The following STK11 variants were observed in gnomAD, a reference collection of about 807,000 sequenced individuals.
STK11 encodes serine/threonine-protein kinase STK11.
In STK11, 8 loss-of-function variants were observed where a neutral mutation model predicts 47.3. The ratio of observed to expected loss-of-function variants is 0.17; its 90% CI spans 0.10 to 0.31. STK11 has a LOEUF of 0.31. Among genes scored for constraint, STK11 ranks in the 10% least tolerant of loss-of-function variants. STK11 has a pLI of 1.00. For missense variants in STK11, 475 were observed against 605.0 expected (o/e 0.79, Z 2.25); for synonymous variants, 330 against 255.8 (o/e 1.29, Z -2.77).
rs975777594 is a variant in STK11, at chr19:1,219,303, T to C, written c.375-21T>C. ...CTGTGAGTGGGGCCGCCCCCTGAGC[T>C]GTGTGTCCTTAGCGCCCCACGTATA... On this transcript the variant is annotated intron_variant, in intron 2 of 9. Coordinates refer to ENST00000326873, the MANE Select transcript of STK11 (RefSeq NM_000455.5). 8 of 1,566,764 alleles carry C rather than the reference T, an allele frequency of 5.1e-6. No homozygotes were observed. In the Admixed American group the frequency reaches 1.5e-4, roughly 30 times the overall value.
intron 3 of STK11, 180 bp from the exon 4 acceptor site, chr19:1,220,193 A>T: frequency 1.3e-6 from 1 of 749,890 alleles, no homozygotes. Context: ...GAGGGTGGCC[A>T]CTGCAGGCGC....
chr19:1,224,351 G>C (rs750338812), intron 8 of STK11: 37 of 985,228 alleles, frequency 3.8e-5, no homozygotes, highest in Non-Finnish European at 4.3e-5. Context: ...GTTGGAACGG[G>C]AGGTGCTGCT....
intron 1 of STK11, among the ~76,000 whole-genome samples, chr19:1,216,099 A>C (rs891056738): frequency 6.6e-6 from 1 of 152,078 alleles, no homozygotes; most frequent in Admixed American, 6.5e-5. Context: ...AAAAAAAACT[A>C]TGGAGATGGA....
At chr19:1,220,851 G>A (rs2080778532) in intron 5 of STK11, 134 bp downstream of exon 5, 3 of 1,362,082 alleles carry the variant, frequency 2.2e-6, no homozygotes, top group East Asian at 4.8e-5. Context: ...CCGCTAGGGG[G>A]TGCTTACTTT....
In STK11 at chr19:1,221,208, T is replaced by C. The variant is rs1555738608; in HGVS notation, c.735-5T>C. 1 of 1,611,466 alleles carries C rather than the reference T, an allele frequency of 6.2e-7. No individual in the cohort carries two copies. The highest frequency in any genetic ancestry group is 8.5e-7 in the Non-Finnish European group (1 of 1,178,836). On this transcript the variant is annotated splice_polypyrimidine_tract_variant and splice_region_variant and intron_variant, in intron 5 of 9. Coordinates refer to ENST00000326873, the MANE Select transcript of STK11 (RefSeq NM_000455.5). Reference sequence around the variant, plus strand: ...ACGCCTTTCTTCCCTCCCCTCGAAATGAAGCTACAACATCACCACGGGTCT... The same window carrying C: ...ACGCCTTTCTTCCCTCCCCTCGAAACGAAGCTACAACATCACCACGGGTCT...
At chr19:1,224,237 G>T in intron 8 of STK11, 1 of 985,362 alleles carries the variant, frequency 1.0e-6, no homozygotes. Context: ...TGCAGCATGT[G>T]GGGGCCCCCC....
At chr19:1,219,444 G>GCGTGGGC in intron 3 of STK11, 31 bp downstream of exon 3, 1 of 1,304,780 alleles carries the variant, frequency 7.7e-7, no homozygotes, top group South Asian at 1.3e-5. Flanking sequence ...CCAGGGTGGG[G>GCGTGGGC]CGGGGGCCGG....
At position 1,206,743 on chromosome 19, in the gene STK11, CA is replaced by C. The variant is rs1018405623; in HGVS notation, c.-169del. On this transcript the variant is annotated 5_prime_UTR_variant, in exon 1 of 10. Transcript: ENST00000326873. The stretch of plus-strand genomic sequence containing the variant: ...TCGCAGCCGGGACTGACGTGTAGAA[CA>C]ATCGTTTCTGTTGGAAGAAGGGTTT... 3 of 923,498 alleles carry C rather than the reference CA, an allele frequency of 3.2e-6. No individual in the cohort carries two copies. In the African/African-American group the frequency reaches 5.0e-5, roughly 15 times the overall value. 57.2% of individuals were successfully genotyped at this position (923,498 alleles called of 1,614,324 possible). A position where few individuals can be genotyped will look rare whatever the true frequency, so the allele number is the denominator to read the frequency against.
intron 1 of STK11, among the ~76,000 whole-genome samples, chr19:1,207,518 G>T (rs1255176577): frequency 6.6e-6 from 1 of 152,214 alleles, no homozygotes. Flanking sequence ...TAGCCCCTTG[G>T]CTCCCCCAGC....
chr19:1,211,676 TCTAC>T (rs1022325447), intron 1 of STK11, among the ~76,000 whole-genome samples: 4 of 152,202 alleles, frequency 2.6e-5, no homozygotes, highest in Non-Finnish European at 4.4e-5. Context: ...ATCTTTTCTT[TCTAC>T]CTGTTTGGAA....
At chr19:1,224,927 C>T (rs1299843069) in intron 8 of STK11, 1 of 985,490 alleles carries the variant, frequency 1.0e-6, no homozygotes, top group Non-Finnish European at 1.2e-6. Flanking sequence ...CCTGCAGAGC[C>T]CCCTTGCGTT....
At chr19:1,215,626 G>C (rs2080739883) in intron 1 of STK11, among the ~76,000 whole-genome samples, 2 of 152,218 alleles carry the variant, frequency 1.3e-5, no homozygotes. Context: ...AGGGCAGTGA[G>C]CAATGAGCCC....
chr19:1,223,754 A>G, intron 8 of STK11: 2 of 1,040,362 alleles, frequency 1.9e-6, no homozygotes, highest in Non-Finnish European at 2.3e-6. Context: ...GTGCCTGAGG[A>G]GGAGCTCAGG....
chr19:1,224,890 A>C (rs1193298773), intron 8 of STK11: 1 of 985,512 alleles, frequency 1.0e-6, no homozygotes, highest in Non-Finnish European at 1.2e-6. Flanking sequence ...GCTCAACTTC[A>C]GGCTTCAGCG....
At chr19:1,213,800 G>A (rs1194294378) in intron 1 of STK11, among the ~76,000 whole-genome samples, 1 of 152,212 alleles carries the variant, frequency 6.6e-6, no homozygotes, top group African/African-American at 2.4e-5. Context: ...AGGGATTCAG[G>A]GACCAGGGCA....
chr19:1,224,472 C>T, intron 8 of STK11: 2 of 985,414 alleles, frequency 2.0e-6, no homozygotes, highest in Non-Finnish European at 2.4e-6. Flanking sequence ...CCTTTCAGAG[C>T]CCTGGTGCCC....
rs184957913 is a variant in STK11, at chr19:1,218,377, C to T, written c.291-40C>T. The T allele has an allele frequency of 4.7e-5, 73 of 1,553,660 alleles. No homozygotes were observed. The highest frequency in any genetic ancestry group is 6.0e-5 in the Non-Finnish European group (67 of 1,125,586). On this transcript the variant is annotated intron_variant, in intron 1 of 9. Transcript: ENST00000326873. ...CCAGGGATCCAGGCCATCATCCTGA[C>T]GTTGGGTCGGCTGATACACCCCTGT...
intron 8 of STK11, chr19:1,226,178 T>C: frequency 3.1e-6 from 4 of 1,309,326 alleles, no homozygotes; most frequent in Non-Finnish European, 3.9e-6. Context: ...AGTCAGTACC[T>C]GGGTGGGGTC....
chr19:1,226,073 C>T (rs1385765799), intron 8 of STK11: 1 of 1,061,504 alleles, frequency 9.4e-7, no homozygotes, highest in Non-Finnish European at 1.1e-6. Flanking sequence ...GTGGCGGCTC[C>T]TGGGCCTCTA....
Sources: gnomAD v4.1 joint callset for allele counts (sites outside exome capture counted in the v4.1 genomes callset) on GRCh38, gnomAD v4.1.1 for gene constraint, MANE v1.5 for transcripts, NCBI Gene and HGNC (gene_info 2026-07-23, HGNC 2026-07-21) for gene names.